Variants in ALDH6A1 observed in about 807,000 individuals in gnomAD.
ALDH6A1 encodes the protein methylmalonate-semialdehyde/malonate-semialdehyde dehydrogenase [acylating], mitochondrial.
ALDH6A1 carries 43 observed loss-of-function variants against 62.6 expected under a neutral mutation model. That is an observed-to-expected ratio of 0.69 (90% CI 0.54 to 0.89). The LOEUF (loss-of-function observed/expected upper bound fraction) is 0.89, where lower values mean the gene tolerates loss of function less well. Among genes scored for constraint, ALDH6A1 ranks in the 40% least tolerant of loss-of-function variants. The pLI is 0.00. For missense variants in ALDH6A1, 551 were observed against 661.3 expected (o/e 0.83, Z 1.83); for synonymous variants, 194 against 234.2 (o/e 0.83, Z 1.57).
Position 74,069,249 on chromosome 14 carries a change from AC to A in ALDH6A1, c.731-269del, listed in dbSNP as rs533593667. On this transcript the variant is annotated intron_variant, in intron 6 of 11. Coordinates refer to ENST00000553458, the MANE Select transcript of ALDH6A1 (RefSeq NM_005589.4). ...CTCCCAAGCAGCTGGGATTATAGGCACCCACCACCATGCCTGCCTAATTTTT... is the reference window on the plus strand; with the variant it reads ...CTCCCAAGCAGCTGGGATTATAGGCACCACCACCATGCCTGCCTAATTTTT... The A allele has an allele frequency of 5.5e-4, 207 of 376,962 alleles. 1 individual carries two copies. The highest frequency in any genetic ancestry group is 3.8e-3 in the African/African-American group (181 of 47,484). 23.4% of individuals were successfully genotyped at this position (376,962 alleles called of 1,614,324 possible).
At chr14:74,078,341 C>G in intron 1 of ALDH6A1, 1 of 438,424 alleles carries the variant, frequency 2.3e-6, no homozygotes, top group South Asian at 1.6e-5. Flanking sequence ...TATATGTGGA[C>G]TGGATGAAGA....
chr14:74,062,504 G>C (rs1595107888), intron 11 of ALDH6A1, among the ~76,000 whole-genome samples: 1 of 152,078 alleles, frequency 6.6e-6, no homozygotes, highest in East Asian at 1.9e-4. Context: ...GGGAGGCATA[G>C]ATACGAGAAT....
At chr14:74,061,757 C>T (rs1288703800) in intron 11 of ALDH6A1, among the ~76,000 whole-genome samples, 1 of 151,896 alleles carries the variant, frequency 6.6e-6, no homozygotes, top group Non-Finnish European at 1.5e-5. Context: ...CATGTGAGCC[C>T]AAAAATTCAG....
In ALDH6A1 at chr14:74,068,845, G is replaced by T; in HGVS notation, c.852+15C>A. On this transcript the variant is annotated intron_variant, in intron 7 of 11. Transcript: ENST00000553458. ...TATAGAACAAAGATTGGAGAAAAAA[G>T]GAATAAGAAGTCACCATATTGGCTT... 1 of 1,613,618 alleles carries T rather than the reference G, an allele frequency of 6.2e-7. No individual in the cohort carries two copies. The highest frequency in any genetic ancestry group is 8.5e-7 in the Non-Finnish European group (1 of 1,179,720).
At position 74,059,444 on chromosome 14, in the gene ALDH6A1, C is replaced by A; in HGVS notation, c.*1198G>T. 1 of 452,926 alleles carries A rather than the reference C, an allele frequency of 2.2e-6. No individual in the cohort carries two copies. Among genetic ancestry groups the A allele is most frequent in the Non-Finnish European group, 4.4e-6 (1 of 225,592 alleles). 28.1% of individuals were successfully genotyped at this position (452,926 alleles called of 1,614,324 possible). On this transcript the variant is annotated 3_prime_UTR_variant, in exon 12 of 12. Coordinates refer to ENST00000553458, the MANE Select transcript of ALDH6A1 (RefSeq NM_005589.4). ...GGTGTGGTGGCTCATGCCTGTAATCCCAGCACTTTGGGAGGCCGAGGCAGG... is the reference window on the plus strand; with the variant it reads ...GGTGTGGTGGCTCATGCCTGTAATCACAGCACTTTGGGAGGCCGAGGCAGG...
At chr14:74,073,195 C>A (rs965840195) in intron 2 of ALDH6A1, among the ~76,000 whole-genome samples, 4 of 152,112 alleles carry the variant, frequency 2.6e-5, no homozygotes, top group African/African-American at 9.7e-5. Context: ...CCTCAACCCC[C>A]AGGGCTTAGG....
intron 1 of ALDH6A1, 149 bp from the exon 2 acceptor site, chr14:74,075,166 A>G (rs187757608): frequency 2.9e-6 from 2 of 699,352 alleles, no homozygotes; most frequent in Admixed American, 2.3e-5. Context: ...AAAGATATGA[A>G]TCTATGACAC....
At position 74,059,049 on chromosome 14, in the gene ALDH6A1, A is replaced by C. The variant is rs1398380852; in HGVS notation, c.*1593T>G. 1 of 169,228 alleles carries C rather than the reference A, an allele frequency of 5.9e-6. No individual in the cohort carries two copies. Among genetic ancestry groups the C allele is most frequent in the Admixed American group, 7.4e-5 (1 of 13,442 alleles). 10.5% of individuals were successfully genotyped at this position (169,228 alleles called of 1,614,324 possible). On this transcript the variant is annotated 3_prime_UTR_variant, in exon 12 of 12. Coordinates refer to ENST00000553458, the MANE Select transcript of ALDH6A1 (RefSeq NM_005589.4). Reference sequence around the variant, plus strand: ...CAGTGAGCCAAGATCACGCCATTGCACTCTAGCCTGGGCAACAAGAGTGAA... The same window carrying C: ...CAGTGAGCCAAGATCACGCCATTGCCCTCTAGCCTGGGCAACAAGAGTGAA...
intron 1 of ALDH6A1, among the ~76,000 whole-genome samples, chr14:74,079,390 G>T (rs913608989): frequency 1.3e-5 from 2 of 151,600 alleles, no homozygotes; most frequent in East Asian, 1.9e-4. Context: ...GGGATTACAG[G>T]CATATGCCAC....
intron 1 of ALDH6A1, chr14:74,078,267 A>C (rs2060634736): frequency 4.4e-6 from 2 of 455,782 alleles, no homozygotes; most frequent in Non-Finnish European, 8.8e-6. Flanking sequence ...AACTCAACCT[A>C]ATGGAGAAGG....
chr14:74,073,131 T>C (rs1255333936), intron 2 of ALDH6A1, among the ~76,000 whole-genome samples: 1 of 151,722 alleles, frequency 6.6e-6, no homozygotes, highest in African/African-American at 2.4e-5. Context: ...TTTTGAGACA[T>C]GGTCTCACTC....
chr14:74,074,746 T>C (rs1595129801), intron 2 of ALDH6A1, among the ~76,000 whole-genome samples: 1 of 152,314 alleles, frequency 6.6e-6, no homozygotes. Flanking sequence ...GACAACTATC[T>C]GGCAGGGTCA....
chr14:74,080,481 C>A (rs886202800), intron 1 of ALDH6A1, among the ~76,000 whole-genome samples: 1 of 151,394 alleles, frequency 6.6e-6, no homozygotes, highest in African/African-American at 2.4e-5. Flanking sequence ...GATCCTCCTG[C>A]CTTAGCCTCC....
At chr14:74,062,080 A>T (rs1382492734) in intron 11 of ALDH6A1, among the ~76,000 whole-genome samples, 2 of 139,724 alleles carry the variant, frequency 1.4e-5, no homozygotes, top group Non-Finnish European at 1.5e-5. Flanking sequence ...AAAAAAAAAA[A>T]GCTGGGCGTG....
rs1566831350 is a variant in ALDH6A1 at position 74,068,891 on chromosome 14, G to A, written c.821C>T (p.Ser274Leu). Residue 274 changes from serine to leucine, a missense_variant, in exon 7 of 12, where the codon TCA (serine) becomes TTA (leucine). Ser to Leu is a moderately radical substitution (Grantham distance 145). Coordinates refer to ENST00000553458, the MANE Select transcript of ALDH6A1 (RefSeq NM_005589.4). ...GGCTTGAACCCTCTTGCCATGTCTT[G>A]ATCCTCTCTCGAAGATATACTCTCC... ...KAGEYIFERG[S>L]RHGKRVQANM... 2 of 1,614,004 alleles carry A rather than the reference G, an allele frequency of 1.2e-6. No individual in the cohort carries two copies. Among genetic ancestry groups the A allele is most frequent in the Non-Finnish European group, 1.7e-6 (2 of 1,179,970 alleles).
In ALDH6A1 at chr14:74,072,623, A is replaced by G; in HGVS notation, c.112-12T>C. 1 of 1,597,790 alleles carries G rather than the reference A, an allele frequency of 6.3e-7. No individual in the cohort carries two copies. ...AGCTTTACAGTTGGCTGAAAAAAAC[A>G]AACAAACAAACAAACAAACAAAAAC... is the stretch of plus-strand genomic sequence containing the variant. On this transcript the variant is annotated splice_polypyrimidine_tract_variant and intron_variant, in intron 2 of 11. Coordinates refer to ENST00000553458, the MANE Select transcript of ALDH6A1 (RefSeq NM_005589.4).
At chr14:74,070,973 C>A (rs1183831892) in intron 6 of ALDH6A1, 2 of 573,136 alleles carry the variant, frequency 3.5e-6, no homozygotes, top group Non-Finnish European at 6.2e-6. Context: ...ATCCATATTT[C>A]TAGTGTCCCA....
At chr14:74,073,077 G>C (rs1661767032) in intron 2 of ALDH6A1, among the ~76,000 whole-genome samples, 1 of 152,162 alleles carries the variant, frequency 6.6e-6, no homozygotes, top group Non-Finnish European at 1.5e-5. Flanking sequence ...TAGGATTACA[G>C]GCGTGAGCCT....
At chr14:74,069,090 TTTTACTTTTTC>T in intron 6 of ALDH6A1, 109 bp from the exon 7 acceptor site, 4 of 1,164,322 alleles carry the variant, frequency 3.4e-6, no homozygotes, top group East Asian at 2.8e-5. Flanking sequence ...TGTGTTTTTC[TTTTACTTTTTC>T]TTTTTTTTTT....
Sources: allele counts gnomAD v4.1 joint callset (sites outside exome capture counted in the v4.1 genomes callset), GRCh38; gene constraint gnomAD v4.1.1; transcripts MANE v1.5; gene names NCBI Gene and HGNC (gene_info 2026-07-23, HGNC 2026-07-21).